The following RANBP2 variants were observed in gnomAD, a reference collection of about 807,000 sequenced individuals.
RANBP2 encodes the protein RAN binding protein 2.
Under a neutral mutation model 303.6 loss-of-function variants are expected in RANBP2, and 57 were observed. The observed-to-expected ratio is 0.19, with a 90% CI of 0.15 to 0.23. The LOEUF (loss-of-function observed/expected upper bound fraction) is 0.23, where lower values mean the gene tolerates loss of function less well. Ranked by LOEUF, RANBP2 falls within the 10% of genes least tolerant of loss-of-function variation. RANBP2 has a pLI of 1.00. For synonymous variants in RANBP2, 1,167 were observed against 1,301.5 expected (o/e 0.90, Z 2.23); for missense variants, 3,138 against 3,780.8 (o/e 0.83, Z 4.46).
the RANBP2 span, among the ~76,000 whole-genome samples, chr2:108,865,836 T>G: frequency 1.3e-5 from 2 of 152,126 alleles, no homozygotes; most frequent in South Asian, 2.1e-4. Flanking sequence ...GTGGCTATAG[T>G]GATCAACACC....
chr2:109,187,670 T>A, the RANBP2 span, among the ~76,000 whole-genome samples: 1 of 152,234 alleles, frequency 6.6e-6, no homozygotes, highest in African/African-American at 2.4e-5. Context: ...TACACTCTGA[T>A]GTTCACACAA....
chr2:109,622,470 T>C, the RANBP2 span, among the ~76,000 whole-genome samples: 812 of 152,308 alleles, frequency 5.3e-3, 6 homozygotes, highest in African/African-American at 0.019. Context: ...TTGAGACAGA[T>C]AATGACTTGA....
At chr2:109,326,073 T>C in the RANBP2 span, among the ~76,000 whole-genome samples, 1 of 152,242 alleles carries the variant, frequency 6.6e-6, no homozygotes, top group African/African-American at 2.4e-5. Context: ...CCTGGGCGTA[T>C]GCCACATTTT....
the RANBP2 span, among the ~76,000 whole-genome samples, chr2:109,383,901 C>A: frequency 6.6e-6 from 1 of 152,228 alleles, no homozygotes; most frequent in African/African-American, 2.4e-5. Context: ...CACCCTACCA[C>A]CCCGCTGAGT....
At chr2:109,363,309 CTG>C in the RANBP2 span, among the ~76,000 whole-genome samples, 1 of 152,082 alleles carries the variant, frequency 6.6e-6, no homozygotes, top group Non-Finnish European at 1.5e-5. Context: ...TTTCAAATAA[CTG>C]TGCTGCTTTG....
At chr2:109,049,226 T>C in the RANBP2 span, among the ~76,000 whole-genome samples, 1 of 152,218 alleles carries the variant, frequency 6.6e-6, no homozygotes, top group Admixed American at 6.5e-5. Context: ...CGCTGGGTCC[T>C]GCTGATGCAG....
the RANBP2 span, among the ~76,000 whole-genome samples, chr2:109,326,845 C>T: frequency 2.0e-5 from 3 of 152,284 alleles, no homozygotes; most frequent in East Asian, 1.9e-4. Flanking sequence ...TCCGTAGGTG[C>T]GCACAGCCAC....
the RANBP2 span, among the ~76,000 whole-genome samples, chr2:109,677,645 G>A: frequency 5.3e-5 from 8 of 152,242 alleles, no homozygotes; most frequent in East Asian, 1.9e-4. Context: ...ACCTGTGCAC[G>A]TCCTGCCTTC....
At chr2:109,625,087 CAAAAA>C in the RANBP2 span, among the ~76,000 whole-genome samples, 4,568 of 60,178 alleles carry the variant, frequency 0.076, 270 homozygotes, top group African/African-American at 0.21. Flanking sequence ...ACAACAACAA[CAAAAA>C]AAAAAAAAAA....
At chr2:109,629,345 ATATATATATATTTTT>A in the RANBP2 span, among the ~76,000 whole-genome samples, 23 of 6,628 alleles carry the variant, frequency 3.5e-3, no homozygotes, top group African/African-American at 9.6e-3. Flanking sequence ...ATATATATAT[ATATATATATATTTTT>A]TTTTTTTTTT....
rs1676919967 is a variant in RANBP2 at position 108,763,804 on chromosome 2, G to C, written c.3265G>C (p.Gly1089Arg). ...CTATAGTGGAGCCAAACCAATTCCT[G>C]GTGGTCAAACCATTGGGCCTCGAAA... ...DGYSGAKPIP[G>R]GQTIGPRNTF... Residue 1089 changes from glycine (G) to arginine (R), a missense_variant, in exon 20 of 29, where the codon GGT (glycine) becomes CGT (arginine). Physicochemically the swap from Gly to Arg is moderately radical, Grantham distance 125. Transcript: ENST00000283195. The C allele has an allele frequency of 2.5e-6, 4 of 1,613,912 alleles. No individual in the cohort carries two copies. Among genetic ancestry groups the C allele is most frequent in the African/African-American group, 2.7e-5 (2 of 74,888 alleles).
the RANBP2 span, among the ~76,000 whole-genome samples, chr2:109,172,248 C>T: frequency 2.4e-4 from 37 of 152,290 alleles, no homozygotes; most frequent in Non-Finnish European, 3.8e-4. Flanking sequence ...AAGTATCAGC[C>T]GCCACAGGGA....
At chr2:109,468,810 C>T in the RANBP2 span, among the ~76,000 whole-genome samples, 18 of 141,166 alleles carry the variant, frequency 1.3e-4, no homozygotes, top group South Asian at 2.3e-4. Flanking sequence ...GCCAAGATCG[C>T]GGCAGTGCAC....
the RANBP2 span, among the ~76,000 whole-genome samples, chr2:108,897,638 G>A: frequency 1.3e-5 from 2 of 152,212 alleles, no homozygotes; most frequent in Non-Finnish European, 2.9e-5. Context: ...GGGAACAGTA[G>A]TCAACTTTGT....
At chr2:109,536,218 A>G in the RANBP2 span, among the ~76,000 whole-genome samples, 1 of 152,172 alleles carries the variant, frequency 6.6e-6, no homozygotes, top group African/African-American at 2.4e-5. Context: ...AGCTTGCACC[A>G]TGTGCCTGGA....
At chr2:109,058,612 A>G in the RANBP2 span, among the ~76,000 whole-genome samples, 9 of 152,336 alleles carry the variant, frequency 5.9e-5, no homozygotes, top group Admixed American at 5.9e-4. Context: ...AATTCATTAA[A>G]CAATGACAAT....
the RANBP2 span, among the ~76,000 whole-genome samples, chr2:109,528,641 A>ATCT: frequency 1.3e-5 from 2 of 152,170 alleles, no homozygotes; most frequent in Admixed American, 6.5e-5. Flanking sequence ...GAGCCCAGAG[A>ATCT]ACAGGAGGAA....
chr2:109,489,778 C>T, the RANBP2 span, among the ~76,000 whole-genome samples: 67 of 151,962 alleles, frequency 4.4e-4, no homozygotes, highest in Non-Finnish European at 7.1e-4. Context: ...CGCTCTGTCA[C>T]CCAGGCTGGA....
the RANBP2 span, among the ~76,000 whole-genome samples, chr2:109,524,401 G>A: frequency 2.9e-5 from 4 of 138,276 alleles, no homozygotes; most frequent in East Asian, 6.7e-4. Context: ...GTGAATATCA[G>A]CTCCTGCTAG....
Sources: gnomAD v4.1 joint callset for allele counts (sites outside exome capture counted in the v4.1 genomes callset) on GRCh38, gnomAD v4.1.1 for gene constraint, MANE v1.5 for transcripts, NCBI Gene and HGNC (gene_info 2026-07-23, HGNC 2026-07-21) for gene names.